FER: variants seen among roughly 807,000 people sequenced by gnomAD.
FER encodes the protein tyrosine-protein kinase Fer.
Under a neutral mutation model 111.0 loss-of-function variants are expected in FER, and 63 were observed. The observed-to-expected ratio is 0.57, with a 90% CI of 0.46 to 0.70. FER has a LOEUF of 0.70. Ranked by LOEUF, FER falls within the 30% of genes least tolerant of loss-of-function variation. The pLI, the probability that FER is intolerant of heterozygous loss-of-function variation, is 0.00. For synonymous variants in FER, 327 were observed against 313.9 expected (o/e 1.04, Z -0.44); for missense variants, 914 against 954.0 (o/e 0.96, Z 0.55).
intron 11 of FER, among the ~76,000 whole-genome samples, chr5:108,948,807 A>T (rs539455978): frequency 6.6e-6 from 1 of 152,194 alleles, no homozygotes; most frequent in African/African-American, 2.4e-5. Flanking sequence ...TAGTTGTATC[A>T]CTGATATATG....
In FER at chr5:109,114,591, A is replaced by C. The variant is rs73779134; in HGVS notation, c.2048+14072A>C. Among the ~76,000 whole-genome samples the C allele has an allele frequency of 9.4e-3, 1,426 of 152,228 alleles. 26 individuals are homozygous for C. Among genetic ancestry groups the C allele is most frequent in the African/African-American group, 0.033 (1,369 of 41,560 alleles). ...CTGAATATTTTAGGCTTTCTAGGTC[A>C]TATGGTTTCCATCACAACTACTCAA... On this transcript the variant is annotated intron_variant, in intron 17 of 19. Transcript: ENST00000281092.
At chr5:108,806,818 CG>C (rs1183628226) in intron 3 of FER, among the ~76,000 whole-genome samples, 1 of 152,060 alleles carries the variant, frequency 6.6e-6, no homozygotes, top group East Asian at 1.9e-4. Context: ...AGTTCATAGG[CG>C]GAAGGGACTT....
chr5:108,927,617 G>C (rs1388589542), intron 10 of FER, among the ~76,000 whole-genome samples: 1 of 152,102 alleles, frequency 6.6e-6, no homozygotes, highest in African/African-American at 2.4e-5. Context: ...AAGTCTTTGT[G>C]TTTTCAAGGC....
chr5:109,138,637 T>G (rs1753164551), intron 17 of FER, among the ~76,000 whole-genome samples: 1 of 152,206 alleles, frequency 6.6e-6, no homozygotes, highest in Non-Finnish European at 1.5e-5. Flanking sequence ...CCTCAAAAAT[T>G]CTTGATTTCT....
At chr5:108,849,291 T>G (rs1022647895) in intron 5 of FER, among the ~76,000 whole-genome samples, 4 of 152,168 alleles carry the variant, frequency 2.6e-5, no homozygotes, top group Non-Finnish European at 5.9e-5. Flanking sequence ...ACACATATAT[T>G]AGGCTGCTTG....
chr5:109,000,529 G>T (rs1201063448), intron 13 of FER, among the ~76,000 whole-genome samples: 1 of 151,884 alleles, frequency 6.6e-6, no homozygotes, highest in Non-Finnish European at 1.5e-5. Flanking sequence ...TTTATAGCAT[G>T]AAATGCCCAC....
At chr5:108,836,045 T>C (rs1760625661) in intron 5 of FER, 1 of 203,262 alleles carries the variant, frequency 4.9e-6, no homozygotes, top group Admixed American at 6.0e-5. Context: ...GTAGCATGTG[T>C]AATAGAATTG....
chr5:108,767,133 G>A (rs1045122119), intron 1 of FER, among the ~76,000 whole-genome samples: 14 of 152,062 alleles, frequency 9.2e-5, no homozygotes, highest in Admixed American at 8.5e-4. Flanking sequence ...GTGAAACCCT[G>A]TCTGTACTAA....
intron 6 of FER, among the ~76,000 whole-genome samples, chr5:108,870,642 A>G (rs1162788727): frequency 1.1e-5 from 1 of 92,774 alleles, no homozygotes; most frequent in East Asian, 2.2e-4. Flanking sequence ...ATAAGTAATG[A>G]TGGTGGAAAA....
intron 5 of FER, among the ~76,000 whole-genome samples, chr5:108,860,483 A>G (rs938906407): frequency 6.6e-6 from 1 of 152,260 alleles, no homozygotes; most frequent in African/African-American, 2.4e-5. Context: ...ATCTAATCAA[A>G]GGAAAAGCTG....
chr5:109,040,139 T>G lies in FER; in HGVS notation c.1713+2661T>G, dbSNP rs570570666. 3.3e-5 allele frequency among the ~76,000 whole-genome samples: 5 copies of G among 152,200 alleles called. No individual in the cohort carries two copies. In the South Asian group the frequency reaches 6.2e-4, roughly 19 times the overall value. On this transcript the variant is annotated intron_variant, in intron 14 of 19. Coordinates refer to ENST00000281092, the MANE Select transcript of FER (RefSeq NM_005246.4). ...GTGTTCAGTTTTGGATGTATTGAGT[T>G]TTTCTATGAAACTTCCAAGTGGGGA...
intron 14 of FER, among the ~76,000 whole-genome samples, chr5:109,043,994 G>C (rs892024295): frequency 6.6e-6 from 1 of 151,592 alleles, no homozygotes; most frequent in Admixed American, 6.6e-5. Flanking sequence ...AAAAAAGTTT[G>C]CATAATATGA....
chr5:108,820,302 C>T, intron 3 of FER: 1 of 985,344 alleles, frequency 1.0e-6, no homozygotes. Flanking sequence ...GATGCTGGAA[C>T]TGAAAGGGAC....
intron 14 of FER, among the ~76,000 whole-genome samples, chr5:109,039,491 G>A (rs1331117422): frequency 1.3e-5 from 2 of 152,102 alleles, no homozygotes; most frequent in Non-Finnish European, 2.9e-5. Context: ...GTTAGAGGGT[G>A]CTAAGTCCTG....
intron 16 of FER, among the ~76,000 whole-genome samples, chr5:109,078,740 C>A (rs545307482): frequency 9.9e-5 from 15 of 152,260 alleles, no homozygotes; most frequent in Admixed American, 8.5e-4. Flanking sequence ...AGACTGTAAA[C>A]CCTGTGGGAG....
At chr5:108,920,876 T>C (rs1261810998) in intron 10 of FER, among the ~76,000 whole-genome samples, 1 of 152,136 alleles carries the variant, frequency 6.6e-6, no homozygotes, top group Non-Finnish European at 1.5e-5. Flanking sequence ...ATGAACTCAA[T>C]TACATAATCT....
chr5:108,879,701 A>AAAAAT, intron 8 of FER, among the ~76,000 whole-genome samples: 115 of 99,098 alleles, frequency 1.2e-3, no homozygotes, highest in Middle Eastern at 5.4e-3. Flanking sequence ...ATTAAAAAAA[A>AAAAAT]ATATATATAT....
intron 17 of FER, among the ~76,000 whole-genome samples, chr5:109,139,013 G>A (rs1753210874): frequency 6.6e-6 from 1 of 152,166 alleles, no homozygotes; most frequent in Non-Finnish European, 1.5e-5. Flanking sequence ...GCAGGTTTCA[G>A]AGGGAACAAA....
Position 108,954,698 on chromosome 5 carries a change from T to C in FER, c.1330-31T>C, listed in dbSNP as rs1331410003. On this transcript the variant is annotated intron_variant, in intron 11 of 19. Coordinates refer to ENST00000281092, the MANE Select transcript of FER (RefSeq NM_005246.4). ...AGAAAATAATCAGTATTTTCTCTAA[T>C]TTAGTTTTTTTTTTTTAATATTTGT... The C allele has an allele frequency of 1.2e-5, 17 of 1,409,658 alleles. 1 individual carries two copies. In the South Asian group the frequency reaches 2.4e-4, roughly 20 times the overall value. The allele number at this position is 1,409,658 out of a possible 1,614,324, so 87.3% of individuals were successfully genotyped here.
Sources: allele counts gnomAD v4.1 joint callset (sites outside exome capture counted in the v4.1 genomes callset), GRCh38; gene constraint gnomAD v4.1.1; transcripts MANE v1.5; gene names NCBI Gene and HGNC (gene_info 2026-07-23, HGNC 2026-07-21).